The following CNTLN variants were observed in gnomAD, a reference collection of about 807,000 sequenced individuals.
CNTLN encodes centlein, centrosomal protein.
A neutral mutation model predicts 180.0 loss-of-function variants in CNTLN; 212 were observed. That is an observed-to-expected ratio of 1.18 (90% CI 1.05 to 1.32). The LOEUF is 1.32. CNTLN is among the 40% of genes most tolerant of loss of function. The pLI, the probability that CNTLN is intolerant of heterozygous loss-of-function variation, is 0.00. For synonymous variants in CNTLN, 722 were observed against 563.1 expected, an observed-to-expected ratio of 1.28 and a Z score of -3.99; for missense variants, 2,095 against 1,610.9, an observed-to-expected ratio of 1.30 and a Z score of -5.14.
At chr9:17,139,845 C>T (rs1265279843) in intron 1 of CNTLN, among the ~76,000 whole-genome samples, 1 of 152,108 alleles carries the variant, frequency 6.6e-6, no homozygotes, top group Non-Finnish European at 1.5e-5. Context: ...GCTAGGACTA[C>T]AGGTGTGTGC....
chr9:17,481,728 A>T (rs1267376182), intron 23 of CNTLN, among the ~76,000 whole-genome samples: 1 of 152,206 alleles, frequency 6.6e-6, no homozygotes, highest in Non-Finnish European at 1.5e-5. Context: ...GCACATGGCC[A>T]ATGAGCATAG....
Position 17,359,847 on chromosome 9 carries a change from C to T in CNTLN, c.1887-6770C>T, listed in dbSNP as rs532356184. ...CCTGGGAGGCGGAGCTTGCAGTGAG[C>T]CGAGATCTTGCCACTGCACTCCAGC... On this transcript the variant is annotated intron_variant, in intron 12 of 25. Transcript: ENST00000380647. 7.3e-5 allele frequency among the ~76,000 whole-genome samples: 11 copies of T among 150,796 alleles called. No individual in the cohort carries two copies. The South Asian group carries it at 2.1e-3, about 29-fold the overall frequency.
intron 15 of CNTLN, among the ~76,000 whole-genome samples, chr9:17,408,323 C>T (rs1827569718): frequency 6.6e-6 from 1 of 152,026 alleles, no homozygotes; most frequent in South Asian, 2.1e-4. Context: ...CTCAACACTT[C>T]CTGTCTCCTA....
At chr9:17,146,208 A>AT (rs1485693155) in intron 2 of CNTLN, among the ~76,000 whole-genome samples, 2 of 151,766 alleles carry the variant, frequency 1.3e-5, no homozygotes, top group East Asian at 1.9e-4. Context: ...ATGTTCTCAT[A>AT]TTTTTTCTTC....
chr9:17,373,886 A>G (rs1371267786), intron 13 of CNTLN, among the ~76,000 whole-genome samples: 2 of 152,216 alleles, frequency 1.3e-5, no homozygotes, highest in African/African-American at 4.8e-5. Flanking sequence ...TCTTCAATAA[A>G]TACTGCTGGG....
At chr9:17,284,502 C>T (rs1349424820) in intron 6 of CNTLN, among the ~76,000 whole-genome samples, 1 of 152,004 alleles carries the variant, frequency 6.6e-6, no homozygotes, top group Admixed American at 6.6e-5. Context: ...GTGTATGTGT[C>T]TAGGAATTTA....
chr9:17,330,015 C>G, intron 8 of CNTLN, among the ~76,000 whole-genome samples: 1 of 152,088 alleles, frequency 6.6e-6, no homozygotes, highest in Middle Eastern at 3.4e-3. Flanking sequence ...TTCCAGTTTT[C>G]ATGAACAGGT....
At chr9:17,224,496 A>G (rs1316907199) in intron 2 of CNTLN, among the ~76,000 whole-genome samples, 2 of 152,010 alleles carry the variant, frequency 1.3e-5, no homozygotes, top group East Asian at 1.9e-4. Flanking sequence ...TTGTAGGCAT[A>G]TGTTGGAGTT....
At chr9:17,393,451 C>A (rs1377177375) in intron 14 of CNTLN, among the ~76,000 whole-genome samples, 3 of 152,108 alleles carry the variant, frequency 2.0e-5, no homozygotes, top group Non-Finnish European at 4.4e-5. Context: ...AATCTTTGTT[C>A]ATTTTCCATA....
rs374585788 is a variant in CNTLN at position 17,375,728 on chromosome 9, CTTAGAG to C, written c.1987+9017_1987+9022del. Among the ~76,000 whole-genome samples the C allele has an allele frequency of 2.2e-3, 331 of 152,148 alleles. 4 individuals are homozygous for C. Among genetic ancestry groups the C allele is most frequent in the African/African-American group, 7.6e-3 (316 of 41,506 alleles). ...GTATCTTTTTTCCTGGAATCAAAAT[CTTAGAG>C]TTAGAAGGAAATTTGGAGATCTTCA... On this transcript the variant is annotated intron_variant, in intron 13 of 25. Coordinates refer to ENST00000380647, the MANE Select transcript of CNTLN (RefSeq NM_017738.4).
intron 18 of CNTLN, among the ~76,000 whole-genome samples, chr9:17,455,098 A>G (rs930886626): frequency 1.1e-4 from 16 of 152,108 alleles, no homozygotes; most frequent in East Asian, 1.9e-4. Context: ...TTTCTCATCT[A>G]TAGCTTTCTC....
At chr9:17,252,529 C>T (rs2132285431) in intron 5 of CNTLN, among the ~76,000 whole-genome samples, 1 of 151,752 alleles carries the variant, frequency 6.6e-6, no homozygotes, top group Admixed American at 6.6e-5. Context: ...ACCTGTTGGC[C>T]ATGTGTATAT....
chr9:17,477,234 TA>T (rs1431034544), intron 23 of CNTLN, among the ~76,000 whole-genome samples: 1 of 152,206 alleles, frequency 6.6e-6, no homozygotes, highest in South Asian at 2.1e-4. Context: ...ACAATGCACC[TA>T]GTCACCCAAG....
chr9:17,178,658 C>A (rs923876821), intron 2 of CNTLN, among the ~76,000 whole-genome samples: 1 of 151,986 alleles, frequency 6.6e-6, no homozygotes, highest in Non-Finnish European at 1.5e-5. Flanking sequence ...CGGGGCCTGC[C>A]GGCTGGCCGG....
intron 8 of CNTLN, among the ~76,000 whole-genome samples, chr9:17,325,419 TAC>T: frequency 6.7e-6 from 1 of 149,428 alleles, no homozygotes; most frequent in African/African-American, 2.5e-5. Context: ...TGTGTATGTA[TAC>T]ACAGACAATT....
intron 18 of CNTLN, among the ~76,000 whole-genome samples, chr9:17,436,177 A>G (rs1463485093): frequency 6.6e-6 from 1 of 152,198 alleles, no homozygotes; most frequent in Non-Finnish European, 1.5e-5. Flanking sequence ...TATTTTCTCA[A>G]TATTCATAGA....
At chr9:17,305,521 G>T (rs1477027506) in intron 7 of CNTLN, among the ~76,000 whole-genome samples, 4 of 147,626 alleles carry the variant, frequency 2.7e-5, no homozygotes, top group African/African-American at 9.9e-5. Flanking sequence ...CTTGAGCACT[G>T]TTTTTTTTTT....
chr9:17,475,805 G>T (rs1400823601), intron 23 of CNTLN, among the ~76,000 whole-genome samples: 2 of 150,980 alleles, frequency 1.3e-5, no homozygotes, highest in Non-Finnish European at 2.9e-5. Flanking sequence ...CCCGGGAGGT[G>T]GAGCTTGCAG....
At chr9:17,301,372 G>A (rs1335385252) in intron 7 of CNTLN, 1 of 985,106 alleles carries the variant, frequency 1.0e-6, no homozygotes, top group Non-Finnish European at 1.2e-6. Flanking sequence ...AAATGATGGG[G>A]TTATGTTGTG....
Sources: allele counts gnomAD v4.1 joint callset (sites outside exome capture counted in the v4.1 genomes callset), GRCh38; gene constraint gnomAD v4.1.1; transcripts MANE v1.5; gene names NCBI Gene and HGNC (gene_info 2026-07-23, HGNC 2026-07-21).